SPMIP4: variants seen among roughly 807,000 people sequenced by gnomAD.
SPMIP4 encodes the protein sperm-associated microtubule inner protein 4.
chr7:25,142,792 T>C, the SPMIP4 span: 3 of 1,553,626 alleles, frequency 1.9e-6, no homozygotes, highest in Non-Finnish European at 2.6e-6. Flanking sequence ...TACTGGCTTA[T>C]TTTTCTCAAC....
At chr7:25,129,724 C>T in the SPMIP4 span, among the ~76,000 whole-genome samples, 1 of 152,030 alleles carries the variant, frequency 6.6e-6, no homozygotes, top group Non-Finnish European at 1.5e-5. Flanking sequence ...CACCTCTCCA[C>T]CAAAATGACT....
the SPMIP4 span, among the ~76,000 whole-genome samples, chr7:25,131,855 C>T: frequency 2.0e-5 from 3 of 152,304 alleles, no homozygotes; most frequent in East Asian, 5.8e-4. This position sits in a 1 kb window ranked among gnomAD's most constrained non-coding sequence, Gnocchi z 4.2. Flanking sequence ...AGCCTTTAGC[C>T]TTATTGGGAG....
At chr7:25,169,656 T>C in the SPMIP4 span, among the ~76,000 whole-genome samples, 11 of 152,142 alleles carry the variant, frequency 7.2e-5, no homozygotes, top group Admixed American at 2.0e-4. Flanking sequence ...CTGCAGCCTC[T>C]ACCTCACCTC....
the SPMIP4 span, chr7:25,142,582 A>G: frequency 7.1e-7 from 1 of 1,417,894 alleles, no homozygotes; most frequent in Non-Finnish European, 9.7e-7. Flanking sequence ...TTGTCATAGC[A>G]TTTGTTAAAT....
the SPMIP4 span, among the ~76,000 whole-genome samples, chr7:25,178,824 A>C: frequency 6.6e-6 from 1 of 152,172 alleles, no homozygotes; most frequent in African/African-American, 2.4e-5. Context: ...GGATCATTTG[A>C]GGTCAGGAGT....
the SPMIP4 span, among the ~76,000 whole-genome samples, chr7:25,163,244 A>G: frequency 1.3e-5 from 2 of 152,236 alleles, no homozygotes; most frequent in Non-Finnish European, 2.9e-5. This position sits in a 1 kb window ranked among gnomAD's most constrained non-coding sequence, Gnocchi z 4.4. Flanking sequence ...CATTGAAAAT[A>G]TAGTGTCATT....
chr7:25,167,410 G>A, the SPMIP4 span, among the ~76,000 whole-genome samples: 4 of 152,186 alleles, frequency 2.6e-5, no homozygotes, highest in Non-Finnish European at 5.9e-5. Flanking sequence ...CCATGAGAGC[G>A]TGGGCTTAAA....
the SPMIP4 span, chr7:25,161,227 G>T: frequency 1.9e-6 from 3 of 1,559,800 alleles, no homozygotes; most frequent in East Asian, 2.3e-5. Flanking sequence ...TTTTGTTCTG[G>T]GTCAAATAAT....
At chr7:25,156,649 C>A in the SPMIP4 span, among the ~76,000 whole-genome samples, 1 of 151,980 alleles carries the variant, frequency 6.6e-6, no homozygotes, top group Non-Finnish European at 1.5e-5. Flanking sequence ...TAACACCTGT[C>A]CCCAATCAAA....
chr7:25,136,587 G>A, the SPMIP4 span: 14 of 1,614,096 alleles, frequency 8.7e-6, no homozygotes, highest in African/African-American at 1.3e-5. This position sits in a 1 kb window ranked among gnomAD's most constrained non-coding sequence, Gnocchi z 5.7. Flanking sequence ...GGGTCACACC[G>A]GCTGGTATGT....
chr7:25,135,479 T>C, the SPMIP4 span: 3 of 985,906 alleles, frequency 3.0e-6, no homozygotes, highest in African/African-American at 5.2e-5. Context: ...ATCCCTCAAT[T>C]AACTAGGTGT....
chr7:25,149,882 C>T, the SPMIP4 span, among the ~76,000 whole-genome samples: 1 of 152,182 alleles, frequency 6.6e-6, no homozygotes, highest in South Asian at 2.1e-4. Context: ...AAATAATCTG[C>T]CTAGTATCAC....
chr7:25,161,492 C>G, the SPMIP4 span, among the ~76,000 whole-genome samples: 1 of 152,014 alleles, frequency 6.6e-6, no homozygotes, highest in Non-Finnish European at 1.5e-5. Flanking sequence ...CTGCCTTGGC[C>G]TCCCAAAGTG....
At chr7:25,148,243 C>T in the SPMIP4 span, among the ~76,000 whole-genome samples, 911 of 152,278 alleles carry the variant, frequency 6.0e-3, 4 homozygotes, top group Non-Finnish European at 0.01. Context: ...GGTTGAGGAC[C>T]ACTGCTCTGG....
At chr7:25,157,604 C>A in the SPMIP4 span, among the ~76,000 whole-genome samples, 1 of 152,126 alleles carries the variant, frequency 6.6e-6, no homozygotes, top group Non-Finnish European at 1.5e-5. Context: ...AAATGTCAGT[C>A]AAAGCCCAAT....
At chr7:25,156,653 A>C in the SPMIP4 span, among the ~76,000 whole-genome samples, 11 of 152,146 alleles carry the variant, frequency 7.2e-5, no homozygotes, top group Non-Finnish European at 1.2e-4. Context: ...ACCTGTCCCC[A>C]ATCAAAGGAG....
At chr7:25,126,339 A>T in the SPMIP4 span, among the ~76,000 whole-genome samples, 2 of 152,206 alleles carry the variant, frequency 1.3e-5, no homozygotes, top group Admixed American at 6.5e-5. Flanking sequence ...CACCACGCCC[A>T]GCTAATTTTT....
At chr7:25,165,661 T>C in the SPMIP4 span, among the ~76,000 whole-genome samples, 1 of 152,210 alleles carries the variant, frequency 6.6e-6, no homozygotes, top group Non-Finnish European at 1.5e-5. Context: ...TTTTCTTACA[T>C]TGAAGCAACG....
chr7:25,155,055 G>A, the SPMIP4 span: 104 of 1,613,958 alleles, frequency 6.4e-5, no homozygotes, highest in Non-Finnish European at 6.4e-5. Context: ...GGTTGGCACC[G>A]TGGGAGGAAA....
Sources: gnomAD v4.1 joint callset for allele counts (sites outside exome capture counted in the v4.1 genomes callset) on GRCh38, gnomAD v4.1.1 for gene constraint, Gnocchi (gnomAD v3.1) non-coding constraint, MANE v1.5 for transcripts, NCBI Gene and HGNC (gene_info 2026-07-23, HGNC 2026-07-21) for gene names.